MCTP2: variants seen among roughly 807,000 people sequenced by gnomAD.
MCTP2 encodes multiple C2 and transmembrane domain-containing protein 2.
In MCTP2, 132 loss-of-function variants were observed where a neutral mutation model predicts 111.6. The ratio of observed to expected loss-of-function variants is 1.18; its 90% CI spans 1.03 to 1.37. The LOEUF (loss-of-function observed/expected upper bound fraction) is 1.37, where lower values mean the gene tolerates loss of function less well. Among genes scored for constraint, MCTP2 ranks in the 40% most tolerant of loss-of-function variants. The pLI, the probability that MCTP2 is intolerant of heterozygous loss-of-function variation, is 0.00. For synonymous variants in MCTP2, 395 were observed against 387.7 expected (o/e 1.02, Z -0.22); for missense variants, 1,183 against 1,067.9 (o/e 1.11, Z -1.50).
At chr15:94,450,333 CAT>C (rs1236925539) in intron 19 of MCTP2, among the ~76,000 whole-genome samples, 7 of 152,200 alleles carry the variant, frequency 4.6e-5, no homozygotes, top group Admixed American at 2.0e-4. Flanking sequence ...GCGTTGACTC[CAT>C]GTGTGTGTGC....
intron 19 of MCTP2, among the ~76,000 whole-genome samples, chr15:94,448,228 C>A (rs1233161756): frequency 2.0e-5 from 3 of 152,216 alleles, no homozygotes; most frequent in Non-Finnish European, 4.4e-5. Context: ...TAGTATCAGT[C>A]TGGCCTTCTG....
intron 9 of MCTP2, among the ~76,000 whole-genome samples, chr15:94,357,635 A>T (rs954826336): frequency 1.3e-5 from 2 of 152,052 alleles, no homozygotes; most frequent in African/African-American, 4.8e-5. Context: ...AACAGCTGAA[A>T]TGATTTTACA....
At chr15:94,315,478 C>T in intron 3 of MCTP2, 51 bp from the exon 4 acceptor site, 1 of 1,350,782 alleles carries the variant, frequency 7.4e-7, no homozygotes, top group East Asian at 2.3e-5. Flanking sequence ...CTGAAATTCT[C>T]TTGCTTGGGC....
intron 6 of MCTP2, among the ~76,000 whole-genome samples, chr15:94,340,591 A>G (rs1236985390): frequency 6.6e-6 from 1 of 152,190 alleles, no homozygotes; most frequent in Non-Finnish European, 1.5e-5. Context: ...TTTGAGTGGT[A>G]GGGGAGGGGG....
intron 12 of MCTP2, among the ~76,000 whole-genome samples, chr15:94,377,903 C>CTGAAAAA (rs1415258353): frequency 7.2e-5 from 11 of 151,990 alleles, no homozygotes; most frequent in Non-Finnish European, 1.5e-4. Flanking sequence ...AGCAATGTTC[C>CTGAAAAA]AGGGCCCGCC....
chr15:94,234,797 C>T (rs889709651), intron 1 of MCTP2, among the ~76,000 whole-genome samples: 1 of 152,200 alleles, frequency 6.6e-6, no homozygotes, highest in African/African-American at 2.4e-5. Flanking sequence ...TCAAGAACTC[C>T]CAGTCTCATG....
chr15:94,318,315 G>T (rs576266532), intron 4 of MCTP2, among the ~76,000 whole-genome samples: 1 of 145,318 alleles, frequency 6.9e-6, no homozygotes, highest in Admixed American at 7.1e-5. Flanking sequence ...ACGGAGTCTA[G>T]CTCTGTCGCC....
At chr15:94,448,694 A>G (rs1596748813) in intron 19 of MCTP2, among the ~76,000 whole-genome samples, 2 of 152,222 alleles carry the variant, frequency 1.3e-5, no homozygotes, top group Admixed American at 6.5e-5. Flanking sequence ...CCTGTATTGC[A>G]TCTAGATATT....
intron 14 of MCTP2, among the ~76,000 whole-genome samples, chr15:94,390,062 A>ATATATATATATATGTATATATATATG (rs2080795584): frequency 9.7e-5 from 1 of 10,264 alleles, no homozygotes; most frequent in Non-Finnish European, 2.7e-4. Context: ...ATATATATAT[A>ATATATATATATATGTATATATATATG]TATATATATA....
chr15:94,269,348 A>C (rs2073781958), intron 1 of MCTP2, among the ~76,000 whole-genome samples: 1 of 152,216 alleles, frequency 6.6e-6, no homozygotes, highest in African/African-American at 2.4e-5. Flanking sequence ...AAATTCTTCT[A>C]ATATTCAGGC....
rs2081111112 is a variant in MCTP2, at chr15:94,393,565, T to A, written c.1789-5396T>A. On this transcript the variant is annotated intron_variant, in intron 14 of 22. Transcript: ENST00000357742. ...ATGTAAGTAAACTGAGAAGCAGGAATAATAAGAGAAAAAAAATCTTAAGAT... is the reference window on the plus strand; with the variant it reads ...ATGTAAGTAAACTGAGAAGCAGGAAAAATAAGAGAAAAAAAATCTTAAGAT... Among the ~76,000 whole-genome samples the A allele has an allele frequency of 2.6e-5, 4 of 151,668 alleles. No homozygotes were observed. The South Asian group carries it at 8.3e-4, about 32-fold the overall frequency.
chr15:94,252,082 C>T (rs964936271), intron 1 of MCTP2, among the ~76,000 whole-genome samples: 3 of 152,172 alleles, frequency 2.0e-5, no homozygotes, highest in East Asian at 1.9e-4. Context: ...CTAGGAACAT[C>T]GGTGTACAAT....
chr15:94,365,724 C>T (rs1054087009), intron 10 of MCTP2, among the ~76,000 whole-genome samples: 2 of 152,084 alleles, frequency 1.3e-5, no homozygotes, highest in African/African-American at 4.8e-5. Context: ...GCTGTCAGAG[C>T]ACTTGTATCT....
chr15:94,398,219 A>G (rs1261252682), intron 14 of MCTP2, among the ~76,000 whole-genome samples: 1 of 152,120 alleles, frequency 6.6e-6, no homozygotes, highest in Non-Finnish European at 1.5e-5. Flanking sequence ...TTTGACCTCA[A>G]CCTTAAGCTG....
Position 94,483,161 on chromosome 15 carries a change from C to A in MCTP2, c.*4127C>A, listed in dbSNP as rs1477365457. The A allele has an allele frequency of 2.6e-5, 4 of 152,086 alleles. No homozygotes were observed. Among genetic ancestry groups the A allele is most frequent in the Non-Finnish European group, 4.4e-5 (3 of 68,010 alleles). The allele number at this position is 152,086 out of a possible 1,614,324, so 9.4% of individuals were successfully genotyped here. On this transcript the variant is annotated 3_prime_UTR_variant, in exon 23 of 23. Coordinates refer to ENST00000357742, the MANE Select transcript of MCTP2 (RefSeq NM_001385001.1). Reference sequence around the variant, plus strand: ...AGAGGTGTCATGACCTCAGTGTAACCCTATTAGCTGCAAAAAATTCTTCAT... The same window carrying A: ...AGAGGTGTCATGACCTCAGTGTAACACTATTAGCTGCAAAAAATTCTTCAT...
chr15:94,454,627 T>G (rs886862938), intron 19 of MCTP2, among the ~76,000 whole-genome samples: 1 of 151,942 alleles, frequency 6.6e-6, no homozygotes, highest in African/African-American at 2.4e-5. Context: ...TAAATTATGG[T>G]CATAATCAGT....
intron 17 of MCTP2, among the ~76,000 whole-genome samples, chr15:94,419,674 A>G (rs2082534284): frequency 1.3e-5 from 2 of 151,944 alleles, no homozygotes; most frequent in African/African-American, 4.8e-5. Flanking sequence ...TAGTTGCCCT[A>G]TGTATCTTCA....
chr15:94,342,437 C>G (rs1328912420), intron 7 of MCTP2: 1 of 152,130 alleles, frequency 6.6e-6, no homozygotes, highest in African/African-American at 2.4e-5. Context: ...CTGGTTTCCT[C>G]TGACTCCCCA....
At chr15:94,430,577 CAAAAAAAA>C (rs11289166) in intron 17 of MCTP2, among the ~76,000 whole-genome samples, 6 of 96,690 alleles carry the variant, frequency 6.2e-5, no homozygotes, top group Non-Finnish European at 1.2e-4. Context: ...ACTAAAAATA[CAAAAAAAA>C]AAAAAAAAAA....
Sources: gnomAD v4.1 joint callset for allele counts (sites outside exome capture counted in the v4.1 genomes callset) on GRCh38, gnomAD v4.1.1 for gene constraint, MANE v1.5 for transcripts, NCBI Gene and HGNC (gene_info 2026-07-23, HGNC 2026-07-21) for gene names.